The following ITSN2 variants were observed in gnomAD, a reference collection of about 807,000 sequenced individuals.
ITSN2 encodes intersectin 2, also known as intersectin-2.
Under a neutral mutation model 243.7 loss-of-function variants are expected in ITSN2, and 156 were observed. That is an observed-to-expected ratio of 0.64 (90% CI 0.56 to 0.73). The LOEUF (loss-of-function observed/expected upper bound fraction) is 0.73. Ranked by LOEUF, ITSN2 falls within the 30% of genes least tolerant of loss-of-function variation. ITSN2 has a pLI of 0.00. For missense variants in ITSN2, 1,801 were observed against 1,996.1 expected (o/e 0.90, Z 1.86); for synonymous variants, 703 against 699.9 (o/e 1.00, Z -0.07).
At chr2:24,218,986 C>T (rs72795832) in intron 30 of ITSN2, among the ~76,000 whole-genome samples, 3 of 152,076 alleles carry the variant, frequency 2.0e-5, no homozygotes, top group African/African-American at 7.2e-5. Flanking sequence ...ATGAGACCTG[C>T]CCCCTGCCAA....
intron 16 of ITSN2, among the ~76,000 whole-genome samples, chr2:24,285,633 T>C (rs528301687): frequency 3.8e-4 from 58 of 152,336 alleles, no homozygotes; most frequent in South Asian, 1.2e-3. Flanking sequence ...CAGTGTACAA[T>C]GAATACTGTG....
At chr2:24,251,199 G>C (rs923380927) in intron 25 of ITSN2, among the ~76,000 whole-genome samples, 4 of 148,012 alleles carry the variant, frequency 2.7e-5, no homozygotes. Context: ...GTAGCGGATG[G>C]CTGTAATCCC....
intron 35 of ITSN2, among the ~76,000 whole-genome samples, chr2:24,209,470 G>A (rs1377289586): frequency 1.3e-5 from 2 of 152,196 alleles, no homozygotes; most frequent in Non-Finnish European, 1.5e-5. Context: ...AGCTCCAAGC[G>A]CCCATGACGG....
chr2:24,217,981 AAAGC>A lies in ITSN2; in HGVS notation c.3728_3731del (p.Gly1243ValfsTer9). 1.9e-6 allele frequency: 3 copies of A among 1,614,080 alleles called. No homozygotes were observed. The highest frequency in any genetic ancestry group is 2.5e-6 in the Non-Finnish European group (3 of 1,179,944). On this transcript the variant is annotated frameshift_variant, in exon 31 of 40. Transcript: ENST00000355123. LOFTEE classifies it high-confidence loss of function. ...TCAGGGCCATCTCCCCTTCAGTGAG[AAAGC>A]CTGACTCTGCCATGCGTTTCTGAAA...
intron 2 of ITSN2, among the ~76,000 whole-genome samples, chr2:24,322,286 T>C (rs2151809398): frequency 6.6e-6 from 1 of 152,336 alleles, no homozygotes; most frequent in East Asian, 1.9e-4. Flanking sequence ...TCACTGTTTA[T>C]CAGAGAAGGA....
chr2:24,234,612 A>G (rs1671950368), intron 29 of ITSN2, among the ~76,000 whole-genome samples: 1 of 152,332 alleles, frequency 6.6e-6, no homozygotes, highest in South Asian at 2.1e-4. Flanking sequence ...ATAAAGAACT[A>G]TTTTTCAAAA....
chr2:24,276,601 A>G (rs1678043229), intron 17 of ITSN2, among the ~76,000 whole-genome samples: 1 of 152,154 alleles, frequency 6.6e-6, no homozygotes, highest in African/African-American at 2.4e-5. Flanking sequence ...CTCTTCTTCA[A>G]CAGCACCCTG....
intron 29 of ITSN2, chr2:24,239,495 A>C (rs1251571459): frequency 6.6e-6 from 1 of 152,094 alleles, no homozygotes; most frequent in Non-Finnish European, 1.5e-5. Flanking sequence ...CTTTGGTTTT[A>C]GAACTGATTT....
chr2:24,235,917 G>C (rs1223435447), intron 29 of ITSN2, among the ~76,000 whole-genome samples: 1 of 152,178 alleles, frequency 6.6e-6, no homozygotes, highest in Admixed American at 6.5e-5. Context: ...GGCGGAAATA[G>C]AAAATGGTGC....
At chr2:24,326,962 A>C (rs2151834549) in intron 2 of ITSN2, among the ~76,000 whole-genome samples, 1 of 152,334 alleles carries the variant, frequency 6.6e-6, no homozygotes, top group South Asian at 2.1e-4. Context: ...AGATGGTAGA[A>C]TGGTGATTCT....
Position 24,211,128 on chromosome 2 carries a change from G to T in ITSN2, c.4090-181C>A, listed in dbSNP as rs1450009480. Among the ~76,000 whole-genome samples the T allele has an allele frequency of 6.6e-6, 1 of 152,204 alleles. No individual in the cohort carries two copies. The highest frequency in any genetic ancestry group is 1.5e-5 in the Non-Finnish European group (1 of 68,048). ...ACTCGTACTCCCACAAGTTCTTGGG[G>T]ACACAGGGACAGGTAACGCTGCTGT... On this transcript the variant is annotated intron_variant, in intron 33 of 39. Coordinates refer to ENST00000355123, the MANE Select transcript of ITSN2 (RefSeq NM_006277.3). This position sits in a 1 kb window ranked among gnomAD's most constrained non-coding sequence, Gnocchi z 4.1.
intron 37 of ITSN2, chr2:24,205,614 C>G (rs1046272473): frequency 2.5e-5 from 8 of 313,778 alleles, no homozygotes; most frequent in Non-Finnish European, 5.0e-5. Context: ...TATGAGCAGC[C>G]CACAGCCTGC....
rs765369357 is a variant in ITSN2, at chr2:24,246,251, T to A, written c.3455A>T (p.Gln1152Leu). ...NEDELSFSKG[Q>L]LINVMNKDDP... ...ATCTTTGTTCATAACATTAATGAGT[T>A]GTCCCTTGGAGAAACTGAGCTCATC... Residue 1152 changes from glutamine to leucine, a missense_variant, in exon 29 of 40, where the codon CAA becomes CTA. Transcript: ENST00000355123. 6.2e-6 allele frequency: 10 copies of A among 1,613,246 alleles called. No individual in the cohort carries two copies. Among genetic ancestry groups the A allele is most frequent in the Admixed American group, 1.7e-5 (1 of 60,000 alleles).
intron 21 of ITSN2, 121 bp downstream of exon 21, chr2:24,261,440 G>A: frequency 1.1e-6 from 1 of 943,194 alleles, no homozygotes; most frequent in Non-Finnish European, 1.6e-6. Flanking sequence ...GGAACAAAAA[G>A]TAGTCTTGAA....
At chr2:24,349,430 G>T (rs184713426) in intron 1 of ITSN2, among the ~76,000 whole-genome samples, 18 of 152,200 alleles carry the variant, frequency 1.2e-4, no homozygotes, top group African/African-American at 4.1e-4. Flanking sequence ...ACCTATGGTT[G>T]TTCTCCCTGG....
At chr2:24,358,378 A>G (rs4297836) in intron 1 of ITSN2, among the ~76,000 whole-genome samples, 148,962 of 152,330 alleles carry the variant, frequency 0.98, 72,831 homozygotes, top group East Asian at 0.99. Flanking sequence ...TTTGATGGGA[A>G]GATAATAATT....
At chr2:24,215,674 A>G (rs1432402118) in intron 32 of ITSN2, among the ~76,000 whole-genome samples, 1 of 152,062 alleles carries the variant, frequency 6.6e-6, no homozygotes, top group African/African-American at 2.4e-5. Context: ...TTAAAAAAAA[A>G]AAAAAAAAAA....
intron 29 of ITSN2, among the ~76,000 whole-genome samples, chr2:24,228,911 GA>G (rs372012007): frequency 6.6e-5 from 10 of 152,276 alleles, no homozygotes; most frequent in African/African-American, 2.4e-4. Context: ...TAGTGGGCTA[GA>G]AAAAGCTATC....
intron 7 of ITSN2, among the ~76,000 whole-genome samples, chr2:24,309,185 G>T (rs1682932725): frequency 6.6e-6 from 1 of 152,186 alleles, no homozygotes; most frequent in Admixed American, 6.5e-5. Context: ...CTATAATGGT[G>T]ACTGCCTTTT....
Sources: gnomAD v4.1 joint callset for allele counts (sites outside exome capture counted in the v4.1 genomes callset) on GRCh38, gnomAD v4.1.1 for gene constraint, Gnocchi (gnomAD v3.1) non-coding constraint, MANE v1.5 for transcripts, NCBI Gene and HGNC (gene_info 2026-07-23, HGNC 2026-07-21) for gene names.